OR2L5: variants seen among roughly 807,000 people sequenced by gnomAD.
OR2L5 encodes the protein olfactory receptor family 2 subfamily L member 5, also known as olfactory receptor 2L5.
For synonymous variants in OR2L5, 169 were observed against 142.0 expected (o/e 1.19, Z -1.35); for missense variants, 413 against 381.6 (o/e 1.08, Z -0.69).
At chr1:248,018,542 G>C (rs1049024377) in intron 1 of OR2L5, among the ~76,000 whole-genome samples, 2 of 152,094 alleles carry the variant, frequency 1.3e-5, no homozygotes, top group South Asian at 4.1e-4. Context: ...TAAAATAATT[G>C]CTCTGTAGAG....
chr1:248,022,653 G>T lies in OR2L5; in HGVS notation c.706G>T (p.Ala236Ser), dbSNP rs773111628. 5.6e-6 allele frequency: 9 copies of T among 1,613,918 alleles called. No individual in the cohort carries two copies. The highest frequency in any genetic ancestry group is 6.8e-6 in the Non-Finnish European group (8 of 1,179,994). ...GCACTCTGCAGAAGGGAGGAAAAAG[G>T]CCTATTCGACCTGCAGCACCCACCT... ...RMHSAEGRKK[A>S]YSTCSTHLTV... The change falls in exon 2 of 2, where the codon GCC becomes TCC. Residue 236 changes from alanine (A) to serine (S), a missense_variant. By Grantham distance (99) the Ala-to-Ser change is moderately conservative. Coordinates refer to ENST00000355281, the MANE Select transcript of OR2L5 (RefSeq NM_001258284.2).
In OR2L5 at chr1:248,023,049, C is replaced by A. The variant is rs1662387341; in HGVS notation, c.*163C>A. The stretch of plus-strand genomic sequence containing the variant: ...GACATTATAGTTGCATATTCTAAGA[C>A]ATCTATTTTGTTTCTGTTTGTGTTT... On this transcript the variant is annotated 3_prime_UTR_variant, in exon 2 of 2. Coordinates refer to ENST00000355281, the MANE Select transcript of OR2L5 (RefSeq NM_001258284.2). 4.9e-6 allele frequency: 3 copies of A among 616,050 alleles called. No homozygotes were observed. The highest frequency in any genetic ancestry group is 3.6e-5 in the Admixed American group (1 of 28,026). 38.2% of individuals were successfully genotyped at this position (616,050 alleles called of 1,614,324 possible). A position where few individuals can be genotyped will look rare whatever the true frequency, so the allele number is the denominator to read the frequency against.
intron 1 of OR2L5, among the ~76,000 whole-genome samples, chr1:248,019,010 A>G: frequency 6.6e-6 from 1 of 152,162 alleles, no homozygotes. Flanking sequence ...TAGTCCATGT[A>G]TGTACTCACT....
intron 1 of OR2L5, among the ~76,000 whole-genome samples, 192 bp downstream of exon 1, chr1:248,013,930 A>G (rs1011060905): frequency 6.6e-6 from 1 of 152,124 alleles, no homozygotes; most frequent in Non-Finnish European, 1.5e-5. Context: ...TTTTGCCGCT[A>G]ATTCATAAAT....
chr1:248,019,776 G>C (rs985593239), intron 1 of OR2L5, among the ~76,000 whole-genome samples: 2 of 149,560 alleles, frequency 1.3e-5, no homozygotes, highest in Non-Finnish European at 3.0e-5. Flanking sequence ...TCTTTGTCTT[G>C]TTCTGCTTCT....
intron 1 of OR2L5, among the ~76,000 whole-genome samples, chr1:248,017,631 C>T (rs1038370935): frequency 6.6e-6 from 1 of 152,046 alleles, no homozygotes; most frequent in East Asian, 1.9e-4. Context: ...GGGGTCTTGG[C>T]GTGAATGACA....
In OR2L5 at chr1:248,023,156, A is replaced by G; in HGVS notation, c.*270A>G. ...TCATTATCATGTATAAATCAAAACA[A>G]TAAATGTCCAAAGGAATCATATCAT... On this transcript the variant is annotated 3_prime_UTR_variant, in exon 2 of 2. Transcript: ENST00000355281. 2 of 260,042 alleles carry G rather than the reference A, an allele frequency of 7.7e-6. No homozygotes were observed. 16.1% of individuals were successfully genotyped at this position (260,042 alleles called of 1,614,324 possible).
At chr1:248,018,970 C>T (rs1397412434) in intron 1 of OR2L5, among the ~76,000 whole-genome samples, 5 of 152,092 alleles carry the variant, frequency 3.3e-5, no homozygotes, top group African/African-American at 7.2e-5. Flanking sequence ...TAGCATGTGT[C>T]ACAATTTATT....
chr1:248,022,762 T>A lies in OR2L5; in HGVS notation c.815T>A (p.Val272Asp), dbSNP rs762338980. The change falls in exon 2 of 2, where the codon GTT becomes GAT. Residue 272 changes from valine (V) to aspartate (D), a missense_variant. Physicochemically the swap from Val to Asp is radical, Grantham distance 152 (BLOSUM62 -3). Coordinates refer to ENST00000355281, the MANE Select transcript of OR2L5 (RefSeq NM_001258284.2). ...CTGCGATCTCTGACAGAGGACAAGG[T>A]TCTGGCTGTTTTCTACACCATCCTC... is the stretch of plus-strand genomic sequence containing the variant. ...RSLRSLTEDK[V>D]LAVFYTILTP... 13 of 1,613,926 alleles carry A rather than the reference T, an allele frequency of 8.1e-6. No homozygotes were observed. Among genetic ancestry groups the A allele is most frequent in the Non-Finnish European group, 1.1e-5 (13 of 1,180,008 alleles).
chr1:248,018,246 CTAT>C (rs1425577398), intron 1 of OR2L5, among the ~76,000 whole-genome samples: 1 of 152,036 alleles, frequency 6.6e-6, no homozygotes, highest in Non-Finnish European at 1.5e-5. Context: ...GATGTGCCGT[CTAT>C]TATTCTGTCC....
chr1:248,016,659 T>TA (rs1218009473), intron 1 of OR2L5, among the ~76,000 whole-genome samples: 1 of 152,092 alleles, frequency 6.6e-6, no homozygotes, highest in Non-Finnish European at 1.5e-5. Context: ...ATGTACTGCC[T>TA]AAAAATATTT....
rs746965905 is a variant in OR2L5 at position 248,022,340 on chromosome 1, T to A, written c.393T>A (p.Tyr131Ter). ...RYVAICFPLH[Y>*]PIRMSKRMYV... ...TGGCCATTTGCTTTCCTCTCCACTA[T>A]CCCATCCGTATGAGCAAAAGAATGT... The change falls in exon 2 of 2, where the codon TAT becomes TAA. Residue 131 changes from tyrosine to a stop codon, truncating the protein, a stop_gained. Coordinates refer to ENST00000355281, the MANE Select transcript of OR2L5 (RefSeq NM_001258284.2). LOFTEE classifies it low-confidence loss of function (END_TRUNC). 2 of 1,614,090 alleles carry A rather than the reference T, an allele frequency of 1.2e-6. No homozygotes were observed. Among genetic ancestry groups the A allele is most frequent in the Non-Finnish European group, 1.7e-6 (2 of 1,180,014 alleles).
At chr1:248,018,055 T>G (rs1292729412) in intron 1 of OR2L5, among the ~76,000 whole-genome samples, 1 of 151,492 alleles carries the variant, frequency 6.6e-6, no homozygotes, top group Non-Finnish European at 1.5e-5. Context: ...CTTGGGAGGC[T>G]GAGGCAGGAG....
At position 248,024,031 on chromosome 1, in the gene OR2L5, T is replaced by A. The variant is rs1175142893; in HGVS notation, c.*1145T>A. ...AAAATATATTTTTATTTTTATTTGTTATTAATTTTATTTGTTTATTTTGTT... is the reference window on the plus strand; with the variant it reads ...AAAATATATTTTTATTTTTATTTGTAATTAATTTTATTTGTTTATTTTGTT... On this transcript the variant is annotated 3_prime_UTR_variant, in exon 2 of 2. Transcript: ENST00000355281. 1 of 152,094 alleles carries A rather than the reference T, an allele frequency of 6.6e-6. No individual in the cohort carries two copies. Among genetic ancestry groups the A allele is most frequent in the Non-Finnish European group, 1.5e-5 (1 of 68,018 alleles). The allele number at this position is 152,094 out of a possible 1,614,324, so 9.4% of individuals were successfully genotyped here.
At position 248,024,222 on chromosome 1, in the gene OR2L5, A is replaced by G. The variant is rs560053924; in HGVS notation, c.*1336A>G. ...ATGCTCTCCCTCCCCTTGCCCAAGA[A>G]TTTGTAATGATAGCCATTAAAATCC... On this transcript the variant is annotated 3_prime_UTR_variant, in exon 2 of 2. Transcript: ENST00000355281. The G allele has an allele frequency of 1.2e-4, 18 of 152,226 alleles. No homozygotes were observed. Among genetic ancestry groups the G allele is most frequent in the African/African-American group, 3.9e-4 (16 of 41,558 alleles). The allele number at this position is 152,226 out of a possible 1,614,324, so 9.4% of individuals were successfully genotyped here.
intron 1 of OR2L5, among the ~76,000 whole-genome samples, chr1:248,014,959 G>A (rs562507499): frequency 8.6e-5 from 13 of 152,014 alleles, no homozygotes; most frequent in African/African-American, 3.1e-4. Flanking sequence ...ACAGTCAAAG[G>A]ATACTTCATA....
At chr1:248,021,453 C>A (rs1373838344) in intron 1 of OR2L5, among the ~76,000 whole-genome samples, 1 of 152,212 alleles carries the variant, frequency 6.6e-6, no homozygotes, top group Non-Finnish European at 1.5e-5. Context: ...CTGTGATCAA[C>A]TGCAGTCTGA....
rs199602129 is a variant in OR2L5 at position 248,023,275 on chromosome 1, TA to T, written c.*392del. The T allele has an allele frequency of 0.031, 4,786 of 156,094 alleles. 227 individuals carry two copies. The highest frequency in any genetic ancestry group is 0.11 in the African/African-American group (4,545 of 41,530). The allele number at this position is 156,094 out of a possible 1,614,324, so 9.7% of individuals were successfully genotyped here. On this transcript the variant is annotated 3_prime_UTR_variant, in exon 2 of 2. Transcript: ENST00000355281. ...AAGATTACTGAATCTAATTGAATAT[TA>T]AATAATATTTTATTTACTCTCAACT...
At chr1:248,018,553 G>T (rs1398706376) in intron 1 of OR2L5, among the ~76,000 whole-genome samples, 5 of 152,082 alleles carry the variant, frequency 3.3e-5, no homozygotes, top group Admixed American at 6.5e-5. Context: ...CTCTGTAGAG[G>T]CTCAGAAACT....
Sources: allele counts gnomAD v4.1 joint callset (sites outside exome capture counted in the v4.1 genomes callset), GRCh38; gene constraint gnomAD v4.1.1; transcripts MANE v1.5; gene names NCBI Gene and HGNC (gene_info 2026-07-23, HGNC 2026-07-21).